Variants in ADGRG2 observed in about 807,000 individuals in gnomAD.
ADGRG2 encodes the protein G protein-coupled receptor 64.
ADGRG2 carries 26 observed loss-of-function variants against 74.1 expected under a neutral mutation model. That is an observed-to-expected ratio of 0.35 (90% CI 0.26 to 0.49). ADGRG2 has a LOEUF of 0.49. ADGRG2 is among the 20% of genes least tolerant of loss of function. The pLI is 0.99. For synonymous variants in ADGRG2, 296 were observed against 295.2 expected, an observed-to-expected ratio of 1.00 and a Z score of -0.03; for missense variants, 619 against 763.1, an observed-to-expected ratio of 0.81 and a Z score of 2.22.
chrX:18,999,758 T>C, intron 25 of ADGRG2, 103 bp downstream of exon 25: 1 of 558,255 alleles, frequency 1.8e-6, no homozygotes, highest in Non-Finnish European at 3.2e-6. Context: ...TGGGTTTTAT[T>C]AGGATGATAG....
In ADGRG2 at chrX:19,037,637, C is replaced by T; in HGVS notation, c.155-1G>A. The T allele has an allele frequency of 1.8e-6, 2 of 1,105,817 alleles. No homozygotes were observed. Among genetic ancestry groups the T allele is most frequent in the Non-Finnish European group, 1.2e-6 (1 of 825,557 alleles). The allele number at this position is 1,105,817 out of a possible 1,213,427, so 91.1% of individuals were successfully genotyped here. Reference sequence around the variant, plus strand: ...GCAAAACTGACAACAGATAATTTAGCTGCAGGAGAAAAAAAAATTAAATCA... The same window carrying T: ...GCAAAACTGACAACAGATAATTTAGTTGCAGGAGAAAAAAAAATTAAATCA... On this transcript the variant is annotated splice_acceptor_variant, in intron 4 of 28. Transcript: ENST00000379869. LOFTEE classifies it high-confidence loss of function.
At chrX:19,053,736 G>A (rs1161262742) in intron 3 of ADGRG2, among the ~76,000 whole-genome samples, 2 of 111,826 alleles carry the variant, frequency 1.8e-5, no homozygotes, top group Middle Eastern at 4.6e-3. Flanking sequence ...CCGTTTTCAC[G>A]CTCTGATAAA....
chrX:18,992,490 C>T (rs769143236), intron 28 of ADGRG2, among the ~76,000 whole-genome samples: 2 of 111,540 alleles, frequency 1.8e-5, no homozygotes, highest in African/African-American at 3.3e-5. Flanking sequence ...GGAGTTTTTC[C>T]ATGTTGGCCA....
At chrX:19,117,762 A>G (rs1490420872) in intron 1 of ADGRG2, among the ~76,000 whole-genome samples, 1 of 111,134 alleles carries the variant, frequency 9.0e-6, no homozygotes, top group Non-Finnish European at 1.9e-5. Context: ...GGTTGCAGTG[A>G]GCCGAGATTA....
In ADGRG2 at chrX:19,072,031, C is replaced by T. The variant is rs1237293162; in HGVS notation, c.-1-3196G>A. On this transcript the variant is annotated intron_variant, in intron 2 of 28. Coordinates refer to ENST00000379869, the MANE Select transcript of ADGRG2 (RefSeq NM_001079858.3). ...CAGAAATCACCTATCCTCGAACCCTCGTTCTACAGATGAAAGAGGTCCCAT... is the reference window on the plus strand; with the variant it reads ...CAGAAATCACCTATCCTCGAACCCTTGTTCTACAGATGAAAGAGGTCCCAT... 1.2e-4 allele frequency among the ~76,000 whole-genome samples: 13 copies of T among 111,036 alleles called. 1 individual carries two copies. The East Asian group carries it at 3.4e-3, about 29-fold the overall frequency.
intron 7 of ADGRG2, 150 bp downstream of exon 7, chrX:19,035,792 G>C: frequency 2.7e-6 from 1 of 371,208 alleles, no homozygotes; most frequent in Non-Finnish European, 4.8e-6. Context: ...CAATGTCAAA[G>C]TCAAAGGGGT....
chrX:19,063,914 G>A lies in ADGRG2; in HGVS notation c.118+4803C>T, dbSNP rs763155372. 3.6e-5 allele frequency among the ~76,000 whole-genome samples: 4 copies of A among 111,960 alleles called. No homozygotes were observed. In the South Asian group the frequency reaches 1.5e-3, roughly 42 times the overall value. On this transcript the variant is annotated intron_variant, in intron 3 of 28. Coordinates refer to ENST00000379869, the MANE Select transcript of ADGRG2 (RefSeq NM_001079858.3). Reference sequence around the variant, plus strand: ...ATGCAAGTGAGACAGACAAGGGGGTGAATCCGGAAATGGGCACATTCATGA... The same window carrying A: ...ATGCAAGTGAGACAGACAAGGGGGTAAATCCGGAAATGGGCACATTCATGA...
At chrX:19,117,368 CA>C (rs1432128976) in intron 1 of ADGRG2, among the ~76,000 whole-genome samples, 1 of 109,015 alleles carries the variant, frequency 9.2e-6, no homozygotes, top group East Asian at 2.9e-4. Context: ...GAATGGTGGG[CA>C]AAAAAAGTTT....
Position 19,033,600 on chromosome X carries a change from TAATA to T in ADGRG2, c.304+9_304+12del, listed in dbSNP as rs1166930128. On this transcript the variant is annotated intron_variant, in intron 8 of 28. Transcript: ENST00000379869. ...ATAAAAAGGAAAGTCTTGATATTGA[TAATA>T]AGTCATACCTGATGCATTGAAGGTT... The T allele has an allele frequency of 1.3e-6, 1 of 756,609 alleles. No individual in the cohort carries two copies. The highest frequency in any genetic ancestry group is 2.0e-6 in the Non-Finnish European group (1 of 502,710). The allele number at this position is 756,609 out of a possible 1,213,427, so 62.4% of individuals were successfully genotyped here.
At chrX:18,998,439 G>GA (rs2060059206) in intron 26 of ADGRG2, among the ~76,000 whole-genome samples, 2 of 110,730 alleles carry the variant, frequency 1.8e-5, no homozygotes, top group South Asian at 3.8e-4. Context: ...TGAATAAGGA[G>GA]AAAAAAACAC....
chrX:19,014,110 C>T lies in ADGRG2; in HGVS notation c.711-36G>A, dbSNP rs181121182. Reference sequence around the variant, plus strand: ...AAATCAGAGAGATACATGTGAGACACGAATGAGCTACAGAGGGGGCAAGTC... The same window carrying T: ...AAATCAGAGAGATACATGTGAGACATGAATGAGCTACAGAGGGGGCAAGTC... On this transcript the variant is annotated intron_variant, in intron 15 of 28. Transcript: ENST00000379869. 932 of 1,095,914 alleles carry T rather than the reference C, an allele frequency of 8.5e-4. 1 individual carries two copies. The highest frequency in any genetic ancestry group is 1.1e-3 in the Non-Finnish European group (874 of 814,324). 90.3% of individuals were successfully genotyped at this position (1,095,914 alleles called of 1,213,427 possible). A position where few individuals can be genotyped will look rare whatever the true frequency, so the allele number is the denominator to read the frequency against.
chrX:19,073,626 G>C (rs1300206620), intron 2 of ADGRG2, among the ~76,000 whole-genome samples: 1 of 111,748 alleles, frequency 8.9e-6, no homozygotes, highest in African/African-American at 3.3e-5. Flanking sequence ...AGTGCAACCT[G>C]TTATGCCAAT....
In ADGRG2 at chrX:19,033,496, C is replaced by T. The variant is rs188601423; in HGVS notation, c.304+117G>A. 5.1e-4 allele frequency: 231 copies of T among 453,295 alleles called. No individual in the cohort carries two copies. In the African/African-American group the frequency reaches 5.1e-3, roughly 10 times the overall value. 37.4% of individuals were successfully genotyped at this position (453,295 alleles called of 1,213,427 possible). A position where few individuals can be genotyped will look rare whatever the true frequency, so the allele number is the denominator to read the frequency against. ...GTGCATACACATCTGTTTGTTAAGA[C>T]CAGATTTTATCTTGAAAAGTTTGGA... On this transcript the variant is annotated intron_variant, in intron 8 of 28. Transcript: ENST00000379869.
At chrX:18,991,437 TA>T (rs1390168038) in intron 28 of ADGRG2, among the ~76,000 whole-genome samples, 1 of 112,424 alleles carries the variant, frequency 8.9e-6, no homozygotes, top group Non-Finnish European at 1.9e-5. Flanking sequence ...CCCAAAAGGT[TA>T]ATGTTAACAG....
At chrX:19,017,440 CCT>C (rs1289441804) in intron 15 of ADGRG2, among the ~76,000 whole-genome samples, 2 of 111,607 alleles carry the variant, frequency 1.8e-5, no homozygotes, top group African/African-American at 6.5e-5. Context: ...CTTTTCTATT[CCT>C]GTTTCTTCTT....
intron 3 of ADGRG2, among the ~76,000 whole-genome samples, chrX:19,044,645 T>G (rs2061139582): frequency 9.0e-6 from 1 of 110,529 alleles, no homozygotes. Flanking sequence ...AAACAAAGAG[T>G]TACTTTTAAC....
intron 1 of ADGRG2, among the ~76,000 whole-genome samples, chrX:19,090,864 A>G (rs1476711858): frequency 9.0e-6 from 1 of 111,341 alleles, no homozygotes; most frequent in East Asian, 2.8e-4. Flanking sequence ...TGATACAAAA[A>G]TTCACACCAA....
At chrX:19,099,936 G>A (rs761629622) in intron 1 of ADGRG2, among the ~76,000 whole-genome samples, 1 of 111,453 alleles carries the variant, frequency 9.0e-6, no homozygotes, top group Non-Finnish European at 1.9e-5. Context: ...TTGGGAGGCT[G>A]AGGTGGGAGG....
chrX:19,082,810 A>T (rs1191556594), intron 1 of ADGRG2, 64 bp from the exon 2 acceptor site: 1 of 112,655 alleles, frequency 8.9e-6, no homozygotes, highest in Non-Finnish European at 1.9e-5. Flanking sequence ...CTTTCTTGAC[A>T]GCATAATACT....
Sources: allele counts gnomAD v4.1 joint callset (sites outside exome capture counted in the v4.1 genomes callset), GRCh38; gene constraint gnomAD v4.1.1; transcripts MANE v1.5; gene names NCBI Gene and HGNC (gene_info 2026-07-23, HGNC 2026-07-21).